The following API5 variants were observed in gnomAD, a reference collection of about 807,000 sequenced individuals.
API5 encodes the protein apoptosis inhibitor 5.
In API5, 6 loss-of-function variants were observed where a neutral mutation model predicts 71.9. That is an observed-to-expected ratio of 0.08 (90% CI 0.05 to 0.16). The LOEUF (loss-of-function observed/expected upper bound fraction) is 0.16, where lower values mean the gene tolerates loss of function less well. Among genes scored for constraint, API5 ranks in the 10% least tolerant of loss-of-function variants. API5 has a pLI of 1.00. For missense variants in API5, 332 were observed against 612.8 expected (o/e 0.54, Z 4.84); for synonymous variants, 189 against 221.3 (o/e 0.85, Z 1.30).
At chr11:43,339,266 G>C (rs915159543) in intron 13 of API5, 11 of 152,088 alleles carry the variant, frequency 7.2e-5, no homozygotes, top group African/African-American at 2.4e-4. Flanking sequence ...AAGACATCAA[G>C]ACATCACCCT....
chr11:43,327,586 G>A (rs1481872500), intron 7 of API5, among the ~76,000 whole-genome samples: 7 of 152,132 alleles, frequency 4.6e-5, no homozygotes, highest in Non-Finnish European at 1.0e-4. Flanking sequence ...TGACTTTGTC[G>A]AGTCACATAA....
At chr11:43,317,782 A>T (rs1385662739) in intron 1 of API5, among the ~76,000 whole-genome samples, 1 of 152,100 alleles carries the variant, frequency 6.6e-6, no homozygotes, top group Non-Finnish European at 1.5e-5. Context: ...GGTTCAAGCG[A>T]TTCTCCTGCC....
At chr11:43,335,837 C>A in intron 12 of API5, 21 bp from the exon 13 acceptor site, 1 of 1,585,048 alleles carries the variant, frequency 6.3e-7, no homozygotes, top group Non-Finnish European at 8.5e-7. Context: ...TTTTGAATTG[C>A]TCTTCTTCCT....
chr11:43,312,993 G>A (rs780504755), intron 1 of API5, among the ~76,000 whole-genome samples: 2 of 151,734 alleles, frequency 1.3e-5, no homozygotes, highest in Non-Finnish European at 2.9e-5. Flanking sequence ...TGTAATCCTA[G>A]CTACTCAGGA....
chr11:43,330,662 G>A, intron 11 of API5, 98 bp downstream of exon 11: 1 of 932,420 alleles, frequency 1.1e-6, no homozygotes, highest in South Asian at 1.5e-5. Context: ...ACAAAGGGAG[G>A]CATGCAAACT....
intron 13 of API5, chr11:43,339,280 A>G (rs1855535924): frequency 6.6e-6 from 1 of 152,188 alleles, no homozygotes; most frequent in South Asian, 2.1e-4. Context: ...TCACCCTAGT[A>G]AGACATAATG....
intron 2 of API5, 89 bp from the exon 3 acceptor site, chr11:43,320,732 A>T (rs2134349040): frequency 4.6e-4 from 92 of 200,328 alleles, no homozygotes; most frequent in Non-Finnish European, 7.2e-4. Context: ...CCTTGTCTTT[A>T]AAAAAAAAAA....
Position 43,330,496 on chromosome 11 carries a change from T to C in API5, c.1222-12T>C. 1 of 1,577,050 alleles carries C rather than the reference T, an allele frequency of 6.3e-7. No individual in the cohort carries two copies. The highest frequency in any genetic ancestry group is 2.2e-5 in the East Asian group (1 of 44,566). On this transcript the variant is annotated splice_polypyrimidine_tract_variant and intron_variant, in intron 10 of 13. Transcript: ENST00000531273. Reference sequence around the variant, plus strand: ...ATTGGCAATTTGTCTTAATTTTCCTTTCCCTTTGTAGAACAAGATTAAAGT... The same window carrying C: ...ATTGGCAATTTGTCTTAATTTTCCTCTCCCTTTGTAGAACAAGATTAAAGT...
intron 1 of API5, among the ~76,000 whole-genome samples, chr11:43,315,598 T>C (rs546214126): frequency 6.6e-6 from 1 of 152,304 alleles, no homozygotes; most frequent in South Asian, 2.1e-4. Flanking sequence ...TATGAGCATG[T>C]ATATTCTAAT....
At chr11:43,323,932 A>G (rs1467404545) in intron 6 of API5, among the ~76,000 whole-genome samples, 3 of 152,236 alleles carry the variant, frequency 2.0e-5, no homozygotes, top group Non-Finnish European at 2.9e-5. Flanking sequence ...TGGGATTTTC[A>G]GATGAGGGAT....
chr11:43,339,335 G>T (rs542306954), intron 13 of API5: 3 of 152,156 alleles, frequency 2.0e-5, no homozygotes, highest in African/African-American at 7.2e-5. Flanking sequence ...TATTTTTCAA[G>T]CCTCCAAGAT....
At chr11:43,312,617 GCTA>G (rs1854518723) in intron 1 of API5, among the ~76,000 whole-genome samples, 1 of 152,032 alleles carries the variant, frequency 6.6e-6, no homozygotes, top group Non-Finnish European at 1.5e-5. Flanking sequence ...GCAAAATTCT[GCTA>G]CTAATTGAAG....
At chr11:43,326,970 C>T (rs1461745223) in intron 7 of API5, among the ~76,000 whole-genome samples, 1 of 152,138 alleles carries the variant, frequency 6.6e-6, no homozygotes, top group African/African-American at 2.4e-5. Flanking sequence ...AATTCACTAC[C>T]CCTCCCAACT....
At chr11:43,314,534 C>G (rs752398595) in intron 1 of API5, among the ~76,000 whole-genome samples, 1 of 152,186 alleles carries the variant, frequency 6.6e-6, no homozygotes, top group African/African-American at 2.4e-5. Context: ...ATACCTTTGT[C>G]TACACTTTAA....
intron 9 of API5, chr11:43,329,412 G>A (rs925638445): frequency 6.4e-6 from 1 of 155,072 alleles, no homozygotes; most frequent in Non-Finnish European, 1.4e-5. Context: ...ATCCATGGGG[G>A]GTAAAGGACT....
chr11:43,321,036 A>G, intron 3 of API5, 122 bp downstream of exon 3: 2 of 737,276 alleles, frequency 2.7e-6, no homozygotes, highest in Non-Finnish European at 4.5e-6. Flanking sequence ...GATAGAGATT[A>G]AATTTCCTAC....
At chr11:43,312,412 G>T (rs552181991) in intron 1 of API5, among the ~76,000 whole-genome samples, 3 of 152,270 alleles carry the variant, frequency 2.0e-5, no homozygotes, top group African/African-American at 7.2e-5. Context: ...AGGCTTCCTT[G>T]CCTCCCTTGC....
chr11:43,315,052 A>G (rs1854622858), intron 1 of API5, among the ~76,000 whole-genome samples: 2 of 152,210 alleles, frequency 1.3e-5, no homozygotes, highest in South Asian at 4.1e-4. Context: ...CTGAGACTGC[A>G]TTCAAGTTTG....
chr11:43,323,719 T>C, intron 6 of API5, 83 bp downstream of exon 6: 2 of 1,284,222 alleles, frequency 1.6e-6, no homozygotes, highest in Non-Finnish European at 2.2e-6. Context: ...CCTTAAACCT[T>C]TCCAGTAGTG....
Sources: gnomAD v4.1 joint callset for allele counts (sites outside exome capture counted in the v4.1 genomes callset) on GRCh38, gnomAD v4.1.1 for gene constraint, MANE v1.5 for transcripts, NCBI Gene and HGNC (gene_info 2026-07-23, HGNC 2026-07-21) for gene names.